The following TSHZ1 variants were observed in gnomAD, a reference collection of about 807,000 sequenced individuals.
TSHZ1 encodes teashirt homolog 1.
In TSHZ1, 12 loss-of-function variants were observed where a neutral mutation model predicts 67.1. The ratio of observed to expected loss-of-function variants is 0.18; its 90% CI spans 0.11 to 0.29. The LOEUF is 0.29. Ranked by LOEUF, TSHZ1 falls within the 10% of genes least tolerant of loss-of-function variation. The probability of loss-of-function intolerance (pLI) is 1.00; values close to 1 mark genes in which losing one functional copy is unlikely to be tolerated. For synonymous variants in TSHZ1, 632 were observed against 622.4 expected, an observed-to-expected ratio of 1.02 and a Z score of -0.23; for missense variants, 1,305 against 1,413.9, an observed-to-expected ratio of 0.92 and a Z score of 1.23.
chr18:75,248,013 T>G (rs2023245684), intron 1 of TSHZ1, among the ~76,000 whole-genome samples: 1 of 152,172 alleles, frequency 6.6e-6, no homozygotes, highest in African/African-American at 2.4e-5. Context: ...CACTGTTTTC[T>G]CAAATATAAA....
chr18:75,240,675 C>G (rs947223555), intron 1 of TSHZ1, among the ~76,000 whole-genome samples: 9 of 152,176 alleles, frequency 5.9e-5, no homozygotes, highest in Non-Finnish European at 1.3e-4. Context: ...AGCGGGGGCG[C>G]CCGTGAGCTC....
At chr18:75,244,961 C>T (rs527758678) in intron 1 of TSHZ1, among the ~76,000 whole-genome samples, 4 of 152,254 alleles carry the variant, frequency 2.6e-5, no homozygotes, top group Non-Finnish European at 5.9e-5. Context: ...TCTCCACCTT[C>T]CCCCATCTCT....
intron 1 of TSHZ1, among the ~76,000 whole-genome samples, chr18:75,259,651 C>T (rs1462115515): frequency 3.6e-4 from 54 of 152,038 alleles, no homozygotes; most frequent in Non-Finnish European, 5.9e-5. Context: ...TATGATTGTC[C>T]TATTTTATTA....
chr18:75,227,086 C>G (rs548234429), intron 1 of TSHZ1, among the ~76,000 whole-genome samples: 42 of 152,260 alleles, frequency 2.8e-4, no homozygotes, highest in Admixed American at 2.5e-3. Context: ...TGCATCTCCC[C>G]ACTTTCTAGC....
chr18:75,277,607 G>A (rs1032032420), intron 1 of TSHZ1, among the ~76,000 whole-genome samples: 4 of 152,094 alleles, frequency 2.6e-5, no homozygotes, highest in East Asian at 1.9e-4. Flanking sequence ...TCACTGTGTC[G>A]TCATGTGGTA....
chr18:75,215,798 C>G (rs2022758948), intron 1 of TSHZ1, among the ~76,000 whole-genome samples: 1 of 152,192 alleles, frequency 6.6e-6, no homozygotes, highest in Non-Finnish European at 1.5e-5. Flanking sequence ...AATGGCCGCC[C>G]TCCTACCACC....
Position 75,286,891 on chromosome 18 carries a change from C to G in TSHZ1, c.1484C>G (p.Thr495Ser), listed in dbSNP as rs1271911752. 6 of 1,614,186 alleles carry G rather than the reference C, an allele frequency of 3.7e-6. No individual in the cohort carries two copies. The highest frequency in any genetic ancestry group is 5.1e-6 in the Non-Finnish European group (6 of 1,180,042). The change falls in exon 2 of 2, where the codon ACT (threonine) becomes AGT (serine). Residue 495 changes from threonine (T) to serine (S), a missense_variant. By Grantham distance (58) the Thr-to-Ser change is moderately conservative (BLOSUM62 1). Transcript: ENST00000580243. This position sits in a 1 kb window ranked among gnomAD's most constrained non-coding sequence, Gnocchi z 5.1. ...CCCGACTCTCCCGCGGGGTCCACGA[C>G]TTCTGAAGAAAAGAAAGAGCCAGAG... ...KQPDSPAGST[T>S]SEEKKEPEKE... is the part of the protein sequence containing the mutation.
Position 75,288,200 on chromosome 18 carries a change from G to A in TSHZ1, c.2793G>A (p.Lys931=), listed in dbSNP as rs745740319. 5 of 1,614,118 alleles carry A rather than the reference G, an allele frequency of 3.1e-6. No homozygotes were observed. In the South Asian group the frequency reaches 5.5e-5, roughly 18 times the overall value. Residue 931 remains lysine, a synonymous_variant, in exon 2 of 2, where the codon AAG becomes AAA. Transcript: ENST00000580243. The surrounding 1 kb of genome is among the most constrained non-coding windows in gnomAD (Gnocchi z 4.9). ...LGPQERVHIS[K]FTGLSMTTIS... ...CGCAGGAGAGGGTGCACATCTCGAAGTTTACTGGGCTCTCCATGACCACCA... is the reference window on the plus strand; with the variant it reads ...CGCAGGAGAGGGTGCACATCTCGAAATTTACTGGGCTCTCCATGACCACCA...
At chr18:75,278,231 G>A (rs2023638653) in intron 1 of TSHZ1, among the ~76,000 whole-genome samples, 2 of 145,442 alleles carry the variant, frequency 1.4e-5, no homozygotes, top group Admixed American at 6.9e-5. Context: ...AGTGGACCTT[G>A]CTGTGTGTGA....
chr18:75,219,870 A>G (rs1189667725), intron 1 of TSHZ1, among the ~76,000 whole-genome samples: 1 of 152,252 alleles, frequency 6.6e-6, no homozygotes, highest in African/African-American at 2.4e-5. Flanking sequence ...GTAGGTGTGC[A>G]GAACAGGACT....
chr18:75,288,557 CGCA>C lies in TSHZ1; in HGVS notation c.3152_3154del (p.Ala1051del), dbSNP rs777343998. ...GCAACCGGACTTTTGCGAGCAAGCA[CGCA>C]GTCAAACTGCACCTTAGTAAGACCC... On this transcript the variant is annotated inframe_deletion, in exon 2 of 2. Transcript: ENST00000580243. The surrounding 1 kb of genome is among the most constrained non-coding windows in gnomAD (Gnocchi z 4.9). 6.2e-7 allele frequency: 1 copy of C among 1,614,216 alleles called. No individual in the cohort carries two copies. The highest frequency in any genetic ancestry group is 1.3e-5 in the African/African-American group (1 of 75,056).
In TSHZ1 at chr18:75,289,908, C is replaced by G. The variant is rs2023838605; in HGVS notation, c.*1267C>G. 6.0e-6 allele frequency: 1 copy of G among 167,076 alleles called. No individual in the cohort carries two copies. Among genetic ancestry groups the G allele is most frequent in the Non-Finnish European group, 1.5e-5 (1 of 68,110 alleles). The allele number at this position is 167,076 out of a possible 1,614,324, so 10.3% of individuals were successfully genotyped here. ...CACACAATTAAATCCACTGTTTTCTCAGATGTAAAATAAACCCACATGCAG... is the reference window on the plus strand; with the variant it reads ...CACACAATTAAATCCACTGTTTTCTGAGATGTAAAATAAACCCACATGCAG... On this transcript the variant is annotated 3_prime_UTR_variant, in exon 2 of 2. Transcript: ENST00000580243.
At chr18:75,222,716 A>G (rs1432603401) in intron 1 of TSHZ1, among the ~76,000 whole-genome samples, 1 of 152,172 alleles carries the variant, frequency 6.6e-6, no homozygotes. Flanking sequence ...GTTCTCAAAG[A>G]CTGCCCCCTC....
At chr18:75,241,165 A>C (rs1486933762) in intron 1 of TSHZ1, among the ~76,000 whole-genome samples, 1 of 152,204 alleles carries the variant, frequency 6.6e-6, no homozygotes, top group Non-Finnish European at 1.5e-5. Flanking sequence ...GTTTCAAACA[A>C]AACACGTTCC....
Position 75,286,164 on chromosome 18 carries a change from G to A in TSHZ1, c.757G>A (p.Ala253Thr). 1 of 1,614,100 alleles carries A rather than the reference G, an allele frequency of 6.2e-7. No individual in the cohort carries two copies. The highest frequency in any genetic ancestry group is 8.5e-7 in the Non-Finnish European group (1 of 1,179,980). Residue 253 changes from alanine to threonine, a missense_variant, in exon 2 of 2, where the codon GCC becomes ACC. By Grantham distance (58) the Ala-to-Thr change is moderately conservative. Coordinates refer to ENST00000580243, the MANE Select transcript of TSHZ1 (RefSeq NM_001308210.2). The surrounding 1 kb of genome is among the most constrained non-coding windows in gnomAD (Gnocchi z 5.1). ...CAAGTTCCGGTGCAAAGACTGCAGT[G>A]CCGCGTACGACACGCTGGTGGAACT... ...ASKFRCKDCS[A>T]AYDTLVELTV...
chr18:75,268,175 C>T (rs1382893631), intron 1 of TSHZ1, among the ~76,000 whole-genome samples: 1 of 152,240 alleles, frequency 6.6e-6, no homozygotes, highest in Non-Finnish European at 1.5e-5. Context: ...TTTAAGACAT[C>T]TATCACCTCC....
rs766284453 is a variant in TSHZ1, at chr18:75,287,252, C to T, written c.1845C>T (p.Ala615=). ...GCGGCGTGAAGTCGCTGTCTTCCGC[C>T]GAGCACAACGCCCTCCTGCACTCCC... ...YAGGVKSLSS[A]EHNALLHSPG... is the part of the protein sequence containing the mutation. The change falls in exon 2 of 2, where the codon GCC becomes GCT. Residue 615 remains alanine, a synonymous_variant. Coordinates refer to ENST00000580243, the MANE Select transcript of TSHZ1 (RefSeq NM_001308210.2). The surrounding 1 kb of genome is among the most constrained non-coding windows in gnomAD (Gnocchi z 5.0). The T allele has an allele frequency of 3.8e-5, 61 of 1,613,956 alleles. No individual in the cohort carries two copies. The Middle Eastern group carries it at 9.9e-4, about 26-fold the overall frequency.
chr18:75,267,332 T>C (rs2023501445), intron 1 of TSHZ1, among the ~76,000 whole-genome samples: 1 of 152,230 alleles, frequency 6.6e-6, no homozygotes, highest in Admixed American at 6.5e-5. Context: ...AGACCCCATC[T>C]CACCCATAGA....
At chr18:75,282,565 G>A (rs564085552) in intron 1 of TSHZ1, among the ~76,000 whole-genome samples, 5 of 152,286 alleles carry the variant, frequency 3.3e-5, no homozygotes, top group Admixed American at 1.3e-4. Flanking sequence ...TCACAGGGCC[G>A]TCGTCCAACA....
Sources: allele counts gnomAD v4.1 joint callset (sites outside exome capture counted in the v4.1 genomes callset), GRCh38; gene constraint gnomAD v4.1.1; non-coding constraint Gnocchi (gnomAD v3.1); transcripts MANE v1.5; gene names NCBI Gene and HGNC (gene_info 2026-07-23, HGNC 2026-07-21).